The following TENM1 variants were observed in gnomAD, a reference collection of about 807,000 sequenced individuals.
TENM1 encodes the protein teneurin transmembrane protein 1, also known as teneurin-1.
Under a neutral mutation model 174.8 loss-of-function variants are expected in TENM1, and 35 were observed. The ratio of observed to expected loss-of-function variants is 0.20; its 90% CI spans 0.15 to 0.27. The LOEUF is 0.27. Among genes scored for constraint, TENM1 ranks in the 10% least tolerant of loss-of-function variants. TENM1 has a pLI of 1.00. For synonymous variants in TENM1, 781 were observed against 798.7 expected (o/e 0.98, Z 0.37); for missense variants, 1,633 against 2,130.1 (o/e 0.77, Z 4.59).
the TENM1 span, among the ~76,000 whole-genome samples, chrX:125,054,601 C>A: frequency 1.8e-5 from 2 of 111,142 alleles, no homozygotes; most frequent in Non-Finnish European, 3.8e-5. Flanking sequence ...GAATATTTCA[C>A]CATTAAGTAG....
intron 1 of TENM1, among the ~76,000 whole-genome samples, chrX:124,896,907 G>C (rs1348998159): frequency 9.0e-6 from 1 of 111,200 alleles, no homozygotes; most frequent in East Asian, 2.8e-4. Context: ...TTGTACCTTG[G>C]CAGTGGTTCA....
At chrX:124,507,245 G>A (rs1372496167) in intron 18 of TENM1, among the ~76,000 whole-genome samples, 1 of 111,517 alleles carries the variant, frequency 9.0e-6, no homozygotes, top group Non-Finnish European at 1.9e-5. Context: ...TCGTGCTGGT[G>A]TGCATATATT....
chrX:124,649,855 T>C (rs2051251538), intron 8 of TENM1, among the ~76,000 whole-genome samples: 1 of 111,417 alleles, frequency 9.0e-6, no homozygotes. Flanking sequence ...CTTTGTTTAA[T>C]CAAGTATATT....
rs1209605348 is a variant in TENM1, at chrX:124,682,142, C to T, written c.1016-10307G>A. On this transcript the variant is annotated intron_variant, in intron 5 of 31. Transcript: ENST00000422452. The stretch of plus-strand genomic sequence containing the variant: ...TACAACAGACATTCATTTATGTTCC[C>T]ATCCCCATCAACATCCCCCAAAGCT... Among the ~76,000 whole-genome samples, 6 of 111,495 alleles carry T rather than the reference C, an allele frequency of 5.4e-5. No homozygotes were observed. The East Asian group carries it at 1.7e-3, about 32-fold the overall frequency.
At chrX:124,833,572 T>C (rs1302705058) in intron 3 of TENM1, among the ~76,000 whole-genome samples, 1 of 112,130 alleles carries the variant, frequency 8.9e-6, no homozygotes, top group Non-Finnish European at 1.9e-5. Flanking sequence ...GCTTAGCTTT[T>C]CTTTTTTCCC....
At chrX:124,633,490 T>C (rs1775269965) in intron 11 of TENM1, among the ~76,000 whole-genome samples, 1 of 111,869 alleles carries the variant, frequency 8.9e-6, no homozygotes, top group South Asian at 3.7e-4. Flanking sequence ...TGTTGCCTGC[T>C]AATAATGGTA....
intron 30 of TENM1, among the ~76,000 whole-genome samples, chrX:124,383,270 A>G (rs898424367): frequency 1.1e-4 from 12 of 111,136 alleles, no homozygotes; most frequent in Non-Finnish European, 2.1e-4. Flanking sequence ...TATGGCCCAC[A>G]CTAAAACACC....
At chrX:124,976,794 T>C in the TENM1 span, among the ~76,000 whole-genome samples, 1 of 111,722 alleles carries the variant, frequency 9.0e-6, no homozygotes, top group South Asian at 3.8e-4. Context: ...TAGAATTGAC[T>C]TGATGTTGTT....
rs1456386448 is a variant in TENM1, at chrX:124,881,113, T to C, written c.535+13183A>G. Among the ~76,000 whole-genome samples, 3 of 111,957 alleles carry C rather than the reference T, an allele frequency of 2.7e-5. No individual in the cohort carries two copies. In the South Asian group the frequency reaches 1.1e-3, roughly 41 times the overall value. ...ATAGTTTGAGGAGAATTGGTGTTAG[T>C]TCTTAGAAGGTTCGGTAAAAATTGT... On this transcript the variant is annotated intron_variant, in intron 3 of 31. Transcript: ENST00000422452.
the TENM1 span, among the ~76,000 whole-genome samples, chrX:124,989,394 G>A: frequency 3.6e-5 from 4 of 111,545 alleles, no homozygotes; most frequent in Non-Finnish European, 7.6e-5. Flanking sequence ...GTAAGATCTA[G>A]TTAAATGGAC....
the TENM1 span, among the ~76,000 whole-genome samples, chrX:125,157,439 A>G: frequency 4.5e-5 from 5 of 112,288 alleles, no homozygotes; most frequent in South Asian, 1.8e-3. Context: ...CTGCATGCAG[A>G]TAGACATTTA....
the TENM1 span, among the ~76,000 whole-genome samples, chrX:125,035,757 T>A: frequency 5.6e-4 from 62 of 111,494 alleles, no homozygotes; most frequent in Admixed American, 5.7e-3. Context: ...GTCTGTTAAA[T>A]TTTTCAGTTA....
chrX:124,378,036 GAAT>G (rs1287236035), exon 32 of TENM1: 3 of 109,741 alleles, frequency 2.7e-5, no homozygotes, highest in African/African-American at 1.0e-4. Flanking sequence ...GTTGTAAAAA[GAAT>G]AATAATAGTT....
At chrX:124,858,837 AAC>A (rs2056859840) in intron 3 of TENM1, among the ~76,000 whole-genome samples, 1 of 108,782 alleles carries the variant, frequency 9.2e-6, no homozygotes, top group Non-Finnish European at 1.9e-5. Flanking sequence ...TTTTTTTTTT[AAC>A]ACACTGGCAT....
intron 3 of TENM1, among the ~76,000 whole-genome samples, chrX:124,808,677 T>C (rs772602493): frequency 8.9e-6 from 1 of 112,008 alleles, no homozygotes; most frequent in East Asian, 2.8e-4. Context: ...AGAAGAGACT[T>C]TGCAAAATTC....
intron 22 of TENM1, among the ~76,000 whole-genome samples, chrX:124,471,910 C>T (rs1181123638): frequency 9.5e-6 from 1 of 105,621 alleles, no homozygotes; most frequent in Non-Finnish European, 1.9e-5. Flanking sequence ...CTTATACCTG[C>T]AGGGGCGTAC....
chrX:124,633,910 T>G (rs2050818642), intron 11 of TENM1, among the ~76,000 whole-genome samples: 1 of 111,994 alleles, frequency 8.9e-6, no homozygotes, highest in South Asian at 3.7e-4. Flanking sequence ...ACCAATGAAT[T>G]TCATTTACTT....
At chrX:124,600,966 T>C (rs754478887) in intron 11 of TENM1, among the ~76,000 whole-genome samples, 1 of 112,119 alleles carries the variant, frequency 8.9e-6, no homozygotes, top group South Asian at 3.7e-4. Flanking sequence ...CTGTTTTCTA[T>C]AGCTGTATTG....
chrX:124,523,479 G>A (rs2047900960), exon 17 of TENM1: 11 of 1,211,415 alleles, frequency 9.1e-6, no homozygotes, highest in African/African-American at 3.5e-5. Flanking sequence ...GCAGGATGGC[G>A]GGTCTGATAC....
Sources: gnomAD v4.1 joint callset for allele counts (sites outside exome capture counted in the v4.1 genomes callset) on GRCh38, gnomAD v4.1.1 for gene constraint, MANE v1.5 for transcripts, NCBI Gene and HGNC (gene_info 2026-07-23, HGNC 2026-07-21) for gene names.